DIAPH1: variants seen among roughly 807,000 people sequenced by gnomAD.
The protein encoded by DIAPH1 is diaphanous related formin 1.
Under a neutral mutation model 140.7 loss-of-function variants are expected in DIAPH1, and 46 were observed. That is an observed-to-expected ratio of 0.33 (90% CI 0.26 to 0.42). The LOEUF (loss-of-function observed/expected upper bound fraction) is 0.42, where lower values mean the gene tolerates loss of function less well. DIAPH1 is among the 10% of genes least tolerant of loss of function. The probability of loss-of-function intolerance (pLI) is 1.00; values close to 1 mark genes in which losing one functional copy is unlikely to be tolerated. For synonymous variants in DIAPH1, 565 were observed against 551.6 expected (o/e 1.02, Z -0.34); for missense variants, 1,310 against 1,558.7 (o/e 0.84, Z 2.69).
At chr5:141,572,598 G>C (rs766177792) in intron 16 of DIAPH1, among the ~76,000 whole-genome samples, 1 of 152,016 alleles carries the variant, frequency 6.6e-6, no homozygotes, top group Middle Eastern at 3.2e-3. Context: ...TCAGGAGTTC[G>C]AGAGCAGCCA....
chr5:141,557,132 T>TA (rs1051885519), intron 18 of DIAPH1, among the ~76,000 whole-genome samples: 14 of 152,170 alleles, frequency 9.2e-5, no homozygotes, highest in Non-Finnish European at 1.6e-4. Context: ...AATGAACTAT[T>TA]AAAAAAAACA....
intron 1 of DIAPH1, among the ~76,000 whole-genome samples, chr5:141,596,439 A>C (rs2099899337): frequency 6.6e-6 from 1 of 152,148 alleles, no homozygotes; most frequent in Non-Finnish European, 1.5e-5. Flanking sequence ...CAGAGGTTGC[A>C]GCAAGCTGAG....
intron 1 of DIAPH1, among the ~76,000 whole-genome samples, chr5:141,600,054 G>T (rs1349244180): frequency 6.6e-6 from 1 of 152,128 alleles, no homozygotes; most frequent in African/African-American, 2.4e-5. Context: ...TTAAGAAAGG[G>T]GAATCATCCA....
At chr5:141,554,030 G>GTACTT (rs2099892168) in intron 18 of DIAPH1, among the ~76,000 whole-genome samples, 1 of 152,176 alleles carries the variant, frequency 6.6e-6, no homozygotes, top group South Asian at 2.1e-4. Context: ...TGTAATCCCA[G>GTACTT]TACTTTGGGA....
At chr5:141,608,398 G>A (rs764882054) in intron 1 of DIAPH1, among the ~76,000 whole-genome samples, 4 of 152,236 alleles carry the variant, frequency 2.6e-5, no homozygotes, top group Non-Finnish European at 5.9e-5. Flanking sequence ...CCTTCTGTCA[G>A]TCCAATAGCC....
Position 141,577,483 on chromosome 5 carries a change from A to G in DIAPH1, c.1272T>C (p.Tyr424=). The change falls in exon 12 of 28, where the codon TAT becomes TAC. Residue 424 remains tyrosine (Y), a synonymous_variant. Coordinates refer to ENST00000389054, the MANE Select transcript of DIAPH1 (RefSeq NM_005219.5). ...TAAGCACAGCATCTTACCTGGCCTCATAGTCATTTCGGACCAAGAGTAAGT... is the reference window on the plus strand; with the variant it reads ...TAAGCACAGCATCTTACCTGGCCTCGTAGTCATTTCGGACCAAGAGTAAGT... The part of the protein sequence containing the change: ...LQHLLLVRND[Y]EARPQYYKLI... The G allele has an allele frequency of 6.2e-7, 1 of 1,610,284 alleles. No individual in the cohort carries two copies. The highest frequency in any genetic ancestry group is 8.5e-7 in the Non-Finnish European group (1 of 1,176,476).
intron 11 of DIAPH1, 63 bp from the exon 12 acceptor site, chr5:141,577,654 AT>A: frequency 1.9e-6 from 2 of 1,072,846 alleles, no homozygotes; most frequent in Non-Finnish European, 1.4e-6. Context: ...CAGGTGGCTT[AT>A]TTAACTCTTG....
chr5:141,516,964 C>G lies in DIAPH1; in HGVS notation c.3706G>C (p.Glu1236Gln), dbSNP rs772429379. The G allele has an allele frequency of 1.1e-5, 17 of 1,614,224 alleles. No individual in the cohort carries two copies. Among genetic ancestry groups the G allele is most frequent in the Non-Finnish European group, 1.4e-5 (17 of 1,180,042 alleles). Residue 1236 changes from glutamate to glutamine, a missense_variant, in exon 28 of 28, where the codon GAG becomes CAG. Glu to Gln is a conservative substitution (Grantham distance 29). Around this residue, in one of 3 missense-constraint regions of DIAPH1, gnomAD observed 344 missense variants for 512.2 expected, o/e 0.67. Transcript: ENST00000389054. ...GCAVTSLLAS[E>Q]LTKDDAMAAV... The stretch of plus-strand genomic sequence containing the variant: ...GCCATGGCATCATCCTTGGTCAGCT[C>G]CGAAGCTAGCAGAGATGTGACTGCA...
At chr5:141,614,907 C>T (rs1319299072) in intron 1 of DIAPH1, among the ~76,000 whole-genome samples, 1 of 152,010 alleles carries the variant, frequency 6.6e-6, no homozygotes, top group African/African-American at 2.4e-5. Flanking sequence ...CAGTTTTCTG[C>T]AAACTTTTGG....
At position 141,515,834 on chromosome 5, in the gene DIAPH1, G is replaced by A. The variant is rs1427969760; in HGVS notation, c.*1017C>T. 6.6e-6 allele frequency: 1 copy of A among 152,282 alleles called. No homozygotes were observed. Among genetic ancestry groups the A allele is most frequent in the Non-Finnish European group, 1.5e-5 (1 of 68,072 alleles). 9.4% of individuals were successfully genotyped at this position (152,282 alleles called of 1,614,324 possible). A position where few individuals can be genotyped will look rare whatever the true frequency, so the allele number is the denominator to read the frequency against. On this transcript the variant is annotated 3_prime_UTR_variant, in exon 28 of 28. Coordinates refer to ENST00000389054, the MANE Select transcript of DIAPH1 (RefSeq NM_005219.5). Reference sequence around the variant, plus strand: ...ACATTCAGGATTGGGCCTGTGAGAAGAAATCCCAGAACTCTGTAACCTGCC... The same window carrying A: ...ACATTCAGGATTGGGCCTGTGAGAAAAAATCCCAGAACTCTGTAACCTGCC...
Position 141,528,051 on chromosome 5 carries a change from C to T in DIAPH1, c.3149-354G>A, listed in dbSNP as rs544466147. Among the ~76,000 whole-genome samples the T allele has an allele frequency of 3.9e-5, 6 of 152,338 alleles. No individual in the cohort carries two copies. In the South Asian group the frequency reaches 1.0e-3, roughly 26 times the overall value. On this transcript the variant is annotated intron_variant, in intron 23 of 27. Transcript: ENST00000389054. Reference sequence around the variant, plus strand: ...CAGGGTTTGGGAGGAAGGAGATATACATAGAAATATAGAGGCGGGGGCAGA... The same window carrying T: ...CAGGGTTTGGGAGGAAGGAGATATATATAGAAATATAGAGGCGGGGGCAGA...
chr5:141,567,761 G>C (rs952549740), intron 18 of DIAPH1, among the ~76,000 whole-genome samples: 1 of 152,202 alleles, frequency 6.6e-6, no homozygotes, highest in African/African-American at 2.4e-5. Context: ...TTCTTTTTGG[G>C]AAAGGGGCTC....
rs1281019471 is a variant in DIAPH1 at position 141,515,584 on chromosome 5, TAC to T, written c.*1265_*1266del. The T allele has an allele frequency of 6.6e-6, 1 of 152,232 alleles. No individual in the cohort carries two copies. Among genetic ancestry groups the T allele is most frequent in the Non-Finnish European group, 1.5e-5 (1 of 68,056 alleles). The allele number at this position is 152,232 out of a possible 1,614,324, so 9.4% of individuals were successfully genotyped here. ...CTTCTCTTTTAGAAGAGAGCTGGGG[TAC>T]AGTGTATGAAGGCACTCCTGGTGCC... On this transcript the variant is annotated 3_prime_UTR_variant, in exon 28 of 28. Transcript: ENST00000389054.
chr5:141,612,865 G>A (rs1411525380), intron 1 of DIAPH1, among the ~76,000 whole-genome samples: 1 of 152,154 alleles, frequency 6.6e-6, no homozygotes, highest in Non-Finnish European at 1.5e-5. Context: ...TGAGATGTAA[G>A]GCCAACTACC....
At chr5:141,531,524 G>A (rs1360947065) in intron 19 of DIAPH1, among the ~76,000 whole-genome samples, 3 of 152,006 alleles carry the variant, frequency 2.0e-5, no homozygotes, top group Admixed American at 6.6e-5. Flanking sequence ...GTCTCACTCT[G>A]TCACCCAGGC....
chr5:141,542,827 A>C (rs2099890212), intron 18 of DIAPH1, among the ~76,000 whole-genome samples: 1 of 152,210 alleles, frequency 6.6e-6, no homozygotes, highest in African/African-American at 2.4e-5. Context: ...TGCTTGCTCT[A>C]AAATGGTTAA....
rs78905211 is a variant in DIAPH1 at position 141,543,327 on chromosome 5, T to C, written c.2483-8894A>G. On this transcript the variant is annotated intron_variant, in intron 18 of 27. Transcript: ENST00000389054. ...GTCCATGACAGGCAAATCCATATGATAGTAAGTAAATTAGCAGATGCCAAG... is the reference window on the plus strand; with the variant it reads ...GTCCATGACAGGCAAATCCATATGACAGTAAGTAAATTAGCAGATGCCAAG... Among the ~76,000 whole-genome samples, 755 of 152,240 alleles carry C rather than the reference T, an allele frequency of 5.0e-3. 4 individuals carry two copies. Among genetic ancestry groups the C allele is most frequent in the African/African-American group, 0.017 (693 of 41,546 alleles).
At chr5:141,520,471 T>C (rs1171382324) in intron 27 of DIAPH1, among the ~76,000 whole-genome samples, 3 of 152,084 alleles carry the variant, frequency 2.0e-5, no homozygotes, top group Admixed American at 2.0e-4. Flanking sequence ...GCACTGGTTG[T>C]TTAAAAGAGC....
rs531459495 is a variant in DIAPH1, at chr5:141,530,964, A to G, written c.2582-1267T>C. Reference sequence around the variant, plus strand: ...TCCCTTCATCATATATACATAATCAAGTTTTTTAAATCTTACTCAATGTTC... The same window carrying G: ...TCCCTTCATCATATATACATAATCAGGTTTTTTAAATCTTACTCAATGTTC... On this transcript the variant is annotated intron_variant, in intron 19 of 27. Transcript: ENST00000389054. Among the ~76,000 whole-genome samples the G allele has an allele frequency of 1.1e-4, 17 of 152,220 alleles. No individual in the cohort carries two copies. The South Asian group carries it at 2.5e-3, about 22-fold the overall frequency.
Sources: gnomAD v4.1 joint callset for allele counts (sites outside exome capture counted in the v4.1 genomes callset) on GRCh38, gnomAD v4.1.1 for gene constraint, gnomAD v4.1.1 regional missense constraint, MANE v1.5 for transcripts, NCBI Gene and HGNC (gene_info 2026-07-23, HGNC 2026-07-21) for gene names.